The following PCCA variants were observed in gnomAD, a reference collection of about 807,000 sequenced individuals.
The protein encoded by PCCA is propionyl-CoA carboxylase alpha chain, mitochondrial.
PCCA carries 74 observed loss-of-function variants against 101.3 expected under a neutral mutation model. The ratio of observed to expected loss-of-function variants is 0.73; its 90% CI spans 0.61 to 0.89. The LOEUF is 0.89. Ranked by LOEUF, PCCA falls within the 40% of genes least tolerant of loss-of-function variation. The pLI, the probability that PCCA is intolerant of heterozygous loss-of-function variation, is 0.00. For synonymous variants in PCCA, 294 were observed against 313.6 expected (o/e 0.94, Z 0.66); for missense variants, 891 against 907.0 (o/e 0.98, Z 0.23).
chr13:100,330,410 AT>A lies in PCCA; in HGVS notation c.1430-145del, dbSNP rs1595381886. ...TTTTATTGATACCACAAGTTCAGAT[AT>A]TTTTTGTTGTTAATAGAATTCAAGG... On this transcript the variant is annotated intron_variant, in intron 16 of 23. Coordinates refer to ENST00000376285, the MANE Select transcript of PCCA (RefSeq NM_000282.4). 5 of 628,784 alleles carry A rather than the reference AT, an allele frequency of 8.0e-6. 1 individual carries two copies. The East Asian group carries it at 1.4e-4, about 18-fold the overall frequency. 39.0% of individuals were successfully genotyped at this position (628,784 alleles called of 1,614,324 possible).
intron 12 of PCCA, among the ~76,000 whole-genome samples, chr13:100,287,156 A>G (rs1162686300): frequency 1.3e-5 from 2 of 152,150 alleles, no homozygotes; most frequent in Non-Finnish European, 2.9e-5. Flanking sequence ...TTGCAGATGT[A>G]TGCAGACCTA....
intron 16 of PCCA, among the ~76,000 whole-genome samples, chr13:100,320,729 G>T (rs2067939258): frequency 6.6e-6 from 1 of 152,158 alleles, no homozygotes; most frequent in African/African-American, 2.4e-5. Context: ...TGGTTTGCCA[G>T]TATTTTATTG....
intron 21 of PCCA, among the ~76,000 whole-genome samples, chr13:100,451,881 TC>T (rs2081298530): frequency 2.3e-3 from 1 of 442 alleles, no homozygotes; most frequent in Non-Finnish European, 9.3e-3. Flanking sequence ...CTCCTCTTCC[TC>T]TCCTCTCTCT....
At chr13:100,406,988 T>G (rs1204806462) in intron 19 of PCCA, among the ~76,000 whole-genome samples, 1 of 152,186 alleles carries the variant, frequency 6.6e-6, no homozygotes, top group Admixed American at 6.5e-5. Context: ...AACCATCTTT[T>G]GAAAAGGATT....
chr13:100,464,334 C>T (rs186958343), intron 21 of PCCA: 1 of 152,200 alleles, frequency 6.6e-6, no homozygotes, highest in Admixed American at 6.5e-5. Context: ...CTCCCTGGTC[C>T]TCAATTTTTT....
intron 5 of PCCA, among the ~76,000 whole-genome samples, chr13:100,155,397 C>G (rs1294077728): frequency 6.6e-6 from 1 of 152,228 alleles, no homozygotes; most frequent in Non-Finnish European, 1.5e-5. Flanking sequence ...AGTATTAACC[C>G]TTTCCGTGTA....
At chr13:100,319,102 T>A (rs2067710499) in intron 16 of PCCA, among the ~76,000 whole-genome samples, 1 of 152,258 alleles carries the variant, frequency 6.6e-6, no homozygotes, top group Non-Finnish European at 1.5e-5. Flanking sequence ...TGAGCATTTT[T>A]TCATTTGTCT....
rs1017055419 is a variant in PCCA at position 100,400,150 on chromosome 13, G to T, written c.1747-25483G>T. Among the ~76,000 whole-genome samples, 14 of 152,192 alleles carry T rather than the reference G, an allele frequency of 9.2e-5. 1 individual carries two copies. Among genetic ancestry groups the T allele is most frequent in the Admixed American group, 9.2e-4 (14 of 15,282 alleles). The stretch of plus-strand genomic sequence containing the variant: ...GATAAAACAGGATTGGCTTTGAGTG[G>T]ATAAGTTTTGAACTTGGGTGATGGA... On this transcript the variant is annotated intron_variant, in intron 19 of 23. Transcript: ENST00000376285.
At chr13:100,397,359 T>G (rs78907921) in intron 19 of PCCA, among the ~76,000 whole-genome samples, 1 of 152,178 alleles carries the variant, frequency 6.6e-6, no homozygotes, top group South Asian at 2.1e-4. Flanking sequence ...GTCTCCATTG[T>G]AGGATCGTTC....
chr13:100,464,000 C>T (rs181331907), intron 21 of PCCA, among the ~76,000 whole-genome samples: 11 of 152,276 alleles, frequency 7.2e-5, no homozygotes, highest in South Asian at 4.1e-4. Context: ...ATGCCTTACG[C>T]GTGTATGGTG....
intron 9 of PCCA, 35 bp from the exon 10 acceptor site, chr13:100,262,693 TC>T (rs749217116): frequency 4.5e-5 from 26 of 581,028 alleles, no homozygotes; most frequent in African/African-American, 1.6e-4. Context: ...CCCCTCCCTC[TC>T]CCCCCCTCCT....
At chr13:100,216,524 T>C (rs1294939110) in intron 7 of PCCA, among the ~76,000 whole-genome samples, 1 of 152,198 alleles carries the variant, frequency 6.6e-6, no homozygotes, top group Non-Finnish European at 1.5e-5. Context: ...GCCTGACATA[T>C]TGTCAGTGCT....
chr13:100,474,083 G>C (rs1244455496), intron 21 of PCCA, among the ~76,000 whole-genome samples: 2 of 152,208 alleles, frequency 1.3e-5, no homozygotes, highest in African/African-American at 4.8e-5. Flanking sequence ...CGAACAGAAG[G>C]TAGGGAATTG....
At chr13:100,263,528 A>G (rs2062670698) in intron 10 of PCCA, among the ~76,000 whole-genome samples, 1 of 152,162 alleles carries the variant, frequency 6.6e-6, no homozygotes, top group South Asian at 2.1e-4. Context: ...GCATGATACA[A>G]AAAGTCCTAG....
At chr13:100,502,458 A>G (rs1277127590) in intron 21 of PCCA, among the ~76,000 whole-genome samples, 2 of 152,194 alleles carry the variant, frequency 1.3e-5, no homozygotes, top group Non-Finnish European at 2.9e-5. Context: ...GATTATACAG[A>G]TGCAAGGGAA....
Position 100,093,627 on chromosome 13 carries a change from G to A in PCCA, c.105+4402G>A, listed in dbSNP as rs2046473770. On this transcript the variant is annotated intron_variant, in intron 1 of 23. Coordinates refer to ENST00000376285, the MANE Select transcript of PCCA (RefSeq NM_000282.4). ...CAGAGAGGCTAAGGAATAAAAGATT[G>A]ATGAGGCCAGGTGTGGTAGCTCACG... 3.3e-5 allele frequency among the ~76,000 whole-genome samples: 5 copies of A among 152,254 alleles called. No homozygotes were observed. In the South Asian group the frequency reaches 1.0e-3, roughly 32 times the overall value.
At position 100,410,482 on chromosome 13, in the gene PCCA, C is replaced by T. The variant is rs140390831; in HGVS notation, c.1747-15151C>T. Among the ~76,000 whole-genome samples, 669 of 152,206 alleles carry T rather than the reference C, an allele frequency of 4.4e-3. 4 individuals are homozygous for T. The highest frequency in any genetic ancestry group is 0.015 in the African/African-American group (625 of 41,530). On this transcript the variant is annotated intron_variant, in intron 19 of 23. Transcript: ENST00000376285. ...AGTCTTGATCACTTGACCTCGTGAT[C>T]CACCTGCCTTGGCCTCCCAAAGTGC...
intron 8 of PCCA, among the ~76,000 whole-genome samples, chr13:100,248,729 C>T (rs1419298656): frequency 6.6e-6 from 1 of 151,942 alleles, no homozygotes; most frequent in Non-Finnish European, 1.5e-5. Flanking sequence ...ATATTTTCTC[C>T]CAGTCTAGAA....
At chr13:100,236,164 GT>G (rs1408258392) in intron 8 of PCCA, among the ~76,000 whole-genome samples, 1 of 152,150 alleles carries the variant, frequency 6.6e-6, no homozygotes, top group African/African-American at 2.4e-5. Context: ...TTGGATATAA[GT>G]TTAATGTCAA....
Sources: allele counts gnomAD v4.1 joint callset (sites outside exome capture counted in the v4.1 genomes callset), GRCh38; gene constraint gnomAD v4.1.1; transcripts MANE v1.5; gene names NCBI Gene and HGNC (gene_info 2026-07-23, HGNC 2026-07-21).